TLE5: variants seen among roughly 807,000 people sequenced by gnomAD.
TLE5 encodes the protein TLE family member 5.
Under a neutral mutation model 25.8 loss-of-function variants are expected in TLE5, and 7 were observed. The ratio of observed to expected loss-of-function variants is 0.27; its 90% confidence interval spans 0.15 to 0.51. TLE5 has a LOEUF of 0.51. Ranked by LOEUF, TLE5 falls within the 20% of genes least tolerant of loss-of-function variation. The probability of loss-of-function intolerance (pLI) is 0.97; values close to 1 mark genes in which losing one functional copy is unlikely to be tolerated. For synonymous variants in TLE5, 132 were observed against 110.5 expected (o/e 1.20, Z -1.22); for missense variants, 149 against 250.7 (o/e 0.59, Z 2.74).
chr19:3,053,510 C>T lies in TLE5; in HGVS notation c.*309G>A, dbSNP rs762523161. The T allele has an allele frequency of 4.9e-5, 22 of 452,202 alleles. No homozygotes were observed. The highest frequency in any genetic ancestry group is 8.4e-5 in the Non-Finnish European group (21 of 251,132). The allele number at this position is 452,202 out of a possible 1,614,324, so 28.0% of individuals were successfully genotyped here. A position where few individuals can be genotyped will look rare whatever the true frequency, so the allele number is the denominator to read the frequency against. The stretch of plus-strand genomic sequence containing the variant: ...GGGAAGGGCCGGGGCTGCTGCGCTT[C>T]GCGAGGTCTTGCTCCCTTGGGACCT... On this transcript the variant is annotated 3_prime_UTR_variant, in exon 7 of 7. Transcript: ENST00000327141.
At chr19:3,059,084 C>G (rs1385973937) in intron 2 of TLE5, among the ~76,000 whole-genome samples, 1 of 152,206 alleles carries the variant, frequency 6.6e-6, no homozygotes, top group Non-Finnish European at 1.5e-5. Flanking sequence ...GCACATGGAT[C>G]TTAGGATACC....
intron 1 of TLE5, 141 bp downstream of exon 1, chr19:3,062,033 G>C: frequency 5.2e-6 from 1 of 192,960 alleles, no homozygotes; most frequent in Non-Finnish European, 9.3e-6. Flanking sequence ...GGAGAGGGAA[G>C]ACAGGGCCGG....
At chr19:3,059,884 C>G (rs184023827) in intron 2 of TLE5, among the ~76,000 whole-genome samples, 156 of 152,306 alleles carry the variant, frequency 1.0e-3, no homozygotes, top group African/African-American at 3.7e-3. Context: ...CCAGCACCTT[C>G]GACTGTCAGT....
At chr19:3,057,369 TG>T in intron 3 of TLE5, 1 of 408,176 alleles carries the variant, frequency 2.4e-6, no homozygotes, top group East Asian at 5.0e-5. Flanking sequence ...CGTCAGTTCC[TG>T]GCTGTTGGCT....
chr19:3,055,624 G>A (rs1407455389), intron 5 of TLE5, 40 bp downstream of exon 5: 26 of 1,555,556 alleles, frequency 1.7e-5, no homozygotes, highest in Non-Finnish European at 2.2e-5. Flanking sequence ...GGCAAGTGCG[G>A]GGCCCCCTCA....
At chr19:3,061,726 C>T (rs886289235) in intron 1 of TLE5, among the ~76,000 whole-genome samples, 4 of 151,432 alleles carry the variant, frequency 2.6e-5, no homozygotes, top group Admixed American at 6.6e-5. Flanking sequence ...TCCCAGCGCC[C>T]TTCCTCGGGG....
chr19:3,054,295 G>T, intron 5 of TLE5, 101 bp from the exon 6 acceptor site: 1 of 1,127,350 alleles, frequency 8.9e-7, no homozygotes, highest in Non-Finnish European at 1.3e-6. Context: ...ACTACCAAGT[G>T]GGCCATCATG....
chr19:3,056,239 C>A, intron 4 of TLE5, 73 bp downstream of exon 4: 1 of 1,085,490 alleles, frequency 9.2e-7, no homozygotes, highest in Admixed American at 3.0e-5. Flanking sequence ...TGGGGGTGCC[C>A]AAGGCGGGGC....
chr19:3,056,272 AAGGAGGAGGAGGAGG>A (rs756419198), intron 4 of TLE5, 25 bp downstream of exon 4: 8 of 1,206,564 alleles, frequency 6.6e-6, no homozygotes, highest in Non-Finnish European at 6.6e-6. Flanking sequence ...GAGGAGGGGG[AAGGAGGAGGAGGAGG>A]AGGAGGAGGA....
At chr19:3,060,425 C>T (rs62125456) in intron 2 of TLE5, among the ~76,000 whole-genome samples, 4,938 of 148,016 alleles carry the variant, frequency 0.033, 111 homozygotes, top group Non-Finnish European at 0.053. Context: ...CTCCGCCTCA[C>T]GGGTTCAAGC....
chr19:3,054,089 C>CG, intron 6 of TLE5, 31 bp downstream of exon 6: 2 of 752,656 alleles, frequency 2.7e-6, no homozygotes, highest in Admixed American at 2.4e-5. Flanking sequence ...CCACCTGTCC[C>CG]CCGCCCACCC....
intron 4 of TLE5, chr19:3,056,013 A>T (rs1390062711): frequency 9.9e-6 from 5 of 504,520 alleles, no homozygotes; most frequent in African/African-American, 5.9e-5. Flanking sequence ...GGCCCCTGGC[A>T]GGTAGTAAGC....
Position 3,062,155 on chromosome 19 carries a change from C to G in TLE5, c.27+19G>C. 1 of 1,157,818 alleles carries G rather than the reference C, an allele frequency of 8.6e-7. No homozygotes were observed. The highest frequency in any genetic ancestry group is 3.9e-5 in the East Asian group (1 of 25,654). 71.7% of individuals were successfully genotyped at this position (1,157,818 alleles called of 1,614,324 possible). A position where few individuals can be genotyped will look rare whatever the true frequency, so the allele number is the denominator to read the frequency against. The stretch of plus-strand genomic sequence containing the variant: ...CCCGGATCCGGGGTGGGGGCGCCGG[C>G]CGGACGGGCCCCGCTTACCGAATGC... On this transcript the variant is annotated intron_variant, in intron 1 of 6. Transcript: ENST00000327141.
rs1299769764 is a variant in TLE5 at position 3,053,055 on chromosome 19, A to G, written c.*764T>C. On this transcript the variant is annotated 3_prime_UTR_variant, in exon 7 of 7. Coordinates refer to ENST00000327141, the MANE Select transcript of TLE5 (RefSeq NM_001130.6). Reference sequence around the variant, plus strand: ...CAGGTGTGGGTGTTGCTTTTTTTTAAAAACACTTTTGTCTTTTTTTTTTTT... The same window carrying G: ...CAGGTGTGGGTGTTGCTTTTTTTTAGAAACACTTTTGTCTTTTTTTTTTTT... 1.3e-5 allele frequency: 2 copies of G among 151,982 alleles called. No homozygotes were observed. The highest frequency in any genetic ancestry group is 1.3e-4 in the Admixed American group (2 of 15,262). The allele number at this position is 151,982 out of a possible 1,614,324, so 9.4% of individuals were successfully genotyped here.
chr19:3,053,974 C>A lies in TLE5; in HGVS notation c.439G>T (p.Val147Leu). ...ALALPLTPLP[V>L]GLQPPSLPAV... ...GGCAGCGAAGGCGGCTGCAGCCCCA[C>A]GGGTAGTGGGGTCAAGGGCAGGGCC... The change falls in exon 7 of 7, where the codon GTG becomes TTG. Residue 147 changes from valine (V) to leucine (L), a missense_variant. Val to Leu is a conservative substitution (Grantham distance 32). Coordinates refer to ENST00000327141, the MANE Select transcript of TLE5 (RefSeq NM_001130.6). 1.2e-6 allele frequency: 2 copies of A among 1,610,294 alleles called. No homozygotes were observed. Among genetic ancestry groups the A allele is most frequent in the Non-Finnish European group, 8.5e-7 (1 of 1,178,972 alleles).
intron 4 of TLE5, chr19:3,056,041 G>T: frequency 3.8e-6 from 2 of 529,298 alleles, no homozygotes; most frequent in African/African-American, 3.9e-5. Flanking sequence ...CGAATGTAGG[G>T]AGGGCTGGGG....
upstream of TLE5, chr19:3,062,788 CG>C: frequency 1.3e-6 from 2 of 1,549,634 alleles, no homozygotes; most frequent in Non-Finnish European, 8.7e-7. Flanking sequence ...TGCTGTGGCA[CG>C]ACCTGGACGC....
chr19:3,058,060 T>C (rs1045406014), intron 2 of TLE5, among the ~76,000 whole-genome samples: 13 of 151,058 alleles, frequency 8.6e-5, no homozygotes, highest in Admixed American at 8.0e-4. Flanking sequence ...GCTGAGGACA[T>C]TGAATTGAGG....
Position 3,057,745 on chromosome 19 carries a change from G to A in TLE5, c.126-3C>T. The A allele has an allele frequency of 6.2e-7, 1 of 1,613,580 alleles. No individual in the cohort carries two copies. Among genetic ancestry groups the A allele is most frequent in the Non-Finnish European group, 8.5e-7 (1 of 1,179,904 alleles). On this transcript the variant is annotated splice_polypyrimidine_tract_variant and splice_region_variant and intron_variant, in intron 2 of 6. Coordinates refer to ENST00000327141, the MANE Select transcript of TLE5 (RefSeq NM_001130.6). ...ACTTGTCACATTCGAGCTTGAGGCTGAGGAGGCACAGGGGGGAGATGGGGT... is the reference window on the plus strand; with the variant it reads ...ACTTGTCACATTCGAGCTTGAGGCTAAGGAGGCACAGGGGGGAGATGGGGT...
Sources: gnomAD v4.1 joint callset for allele counts (sites outside exome capture counted in the v4.1 genomes callset) on GRCh38, gnomAD v4.1.1 for gene constraint, MANE v1.5 for transcripts, NCBI Gene and HGNC (gene_info 2026-07-23, HGNC 2026-07-21) for gene names.